The following NR5A1 variants were observed in gnomAD, a reference collection of about 807,000 sequenced individuals.
The protein encoded by NR5A1 is steroidogenic factor 1.
A neutral mutation model predicts 42.7 loss-of-function variants in NR5A1; 6 were observed. That is an observed-to-expected ratio of 0.14 (90% CI 0.08 to 0.28). The LOEUF (loss-of-function observed/expected upper bound fraction) is 0.28, where lower values mean the gene tolerates loss of function less well. NR5A1 is among the 10% of genes least tolerant of loss of function. NR5A1 has a pLI of 1.00. For synonymous variants in NR5A1, 274 were observed against 277.5 expected (o/e 0.99, Z 0.12); for missense variants, 442 against 626.4 (o/e 0.71, Z 3.14).
intron 4 of NR5A1, among the ~76,000 whole-genome samples, chr9:124,497,459 G>C (rs956350872): frequency 2.6e-5 from 4 of 152,328 alleles, no homozygotes; most frequent in East Asian, 1.9e-4. Flanking sequence ...AGCTGGGAAA[G>C]AAGATGGGGG....
In NR5A1 at chr9:124,492,982, C is replaced by G. The variant is rs1301226678; in HGVS notation, c.990+48G>C. The G allele has an allele frequency of 6.6e-6, 10 of 1,522,288 alleles. 1 individual carries two copies. The South Asian group carries it at 9.7e-5, about 15-fold the overall frequency. 94.3% of individuals were successfully genotyped at this position (1,522,288 alleles called of 1,614,324 possible). Reference sequence around the variant, plus strand: ...CGGGGCCCTGAATCCTGGAAGTGCACAGCGGGGCCAGGGCGGGGCCCAGGG... The same window carrying G: ...CGGGGCCCTGAATCCTGGAAGTGCAGAGCGGGGCCAGGGCGGGGCCCAGGG... On this transcript the variant is annotated intron_variant, in intron 5 of 6. Coordinates refer to ENST00000373588, the MANE Select transcript of NR5A1 (RefSeq NM_004959.5).
chr9:124,493,283 C>G, intron 4 of NR5A1, 134 bp from the exon 5 acceptor site: 1 of 1,207,752 alleles, frequency 8.3e-7, no homozygotes, highest in South Asian at 1.7e-5. Context: ...CCCATCTACC[C>G]AGATGTCTAG....
chr9:124,489,100 A>AC (rs1427177641), intron 6 of NR5A1, among the ~76,000 whole-genome samples: 7 of 152,100 alleles, frequency 4.6e-5, no homozygotes, highest in African/African-American at 1.7e-4. Context: ...TCCTGGATTC[A>AC]CCCCCGGCAG....
At chr9:124,491,032 C>CCCCCCCCCCCCAGGGGGGGG in intron 6 of NR5A1, 49 bp downstream of exon 6, 2 of 1,258,250 alleles carry the variant, frequency 1.6e-6, no homozygotes, top group Non-Finnish European at 2.2e-6. Flanking sequence ...CCCTCCCACC[C>CCCCCCCCCCCCAGGGGGGGG]ACCCGCCTCT....
At position 124,482,252 on chromosome 9, in the gene NR5A1, C is replaced by T. The variant is rs1237910552; in HGVS notation, c.*506G>A. ...TCTCAATTTAGCAAACTCGGTTATC[C>T]TTAGTTTACAAAACAGAGGCTCTCC... On this transcript the variant is annotated 3_prime_UTR_variant, in exon 7 of 7. Transcript: ENST00000373588. The T allele has an allele frequency of 4.7e-6, 1 of 211,034 alleles. No homozygotes were observed. Among genetic ancestry groups the T allele is most frequent in the African/African-American group, 2.3e-5 (1 of 43,270 alleles). 13.1% of individuals were successfully genotyped at this position (211,034 alleles called of 1,614,324 possible).
intron 4 of NR5A1, among the ~76,000 whole-genome samples, chr9:124,495,587 A>ACAC (rs1486184694): frequency 2.0e-5 from 3 of 152,150 alleles, no homozygotes; most frequent in Non-Finnish European, 4.4e-5. Context: ...CCCACCGTAG[A>ACAC]CACCCAGGTG....
intron 6 of NR5A1, among the ~76,000 whole-genome samples, chr9:124,485,936 C>T (rs1832200976): frequency 6.6e-6 from 1 of 151,858 alleles, no homozygotes; most frequent in Non-Finnish European, 1.5e-5. Context: ...GGGACCAGCT[C>T]AAGGCCACAC....
Position 124,501,751 on chromosome 9 carries a change from C to A in NR5A1, c.245-1036G>T, listed in dbSNP as rs2131288424. ...GGGGACAGGACAGGATGTCCCCTCT[C>A]CCATCCAGGAGTCCTTTCTCCAGGT... On this transcript the variant is annotated intron_variant, in intron 3 of 6. Transcript: ENST00000373588. This position sits in a 1 kb window ranked among gnomAD's most constrained non-coding sequence, Gnocchi z 4.1. 6.6e-6 allele frequency among the ~76,000 whole-genome samples: 1 copy of A among 152,348 alleles called. No homozygotes were observed. Among genetic ancestry groups the A allele is most frequent in the East Asian group, 1.9e-4 (1 of 5,178 alleles).
chr9:124,497,027 G>A (rs761106264), intron 4 of NR5A1, among the ~76,000 whole-genome samples: 4 of 152,182 alleles, frequency 2.6e-5, no homozygotes, highest in Non-Finnish European at 2.9e-5. Flanking sequence ...CAGAACAATC[G>A]TGTGCTCAGA....
chr9:124,491,431 C>T (rs897957842), intron 5 of NR5A1, among the ~76,000 whole-genome samples: 2 of 152,144 alleles, frequency 1.3e-5, no homozygotes, highest in Non-Finnish European at 2.9e-5. Context: ...CCCACCCTTC[C>T]GAGCTCTCCT....
At position 124,504,283 on chromosome 9, in the gene NR5A1, G is replaced by C. The variant is rs1428199741; in HGVS notation, c.-15-873C>G. ...GGCGGAAGCGCCCAGCCCGAGGGTC[G>C]GGGACAGGGGACGCGCGGAAACCTG... is the stretch of plus-strand genomic sequence containing the variant. On this transcript the variant is annotated intron_variant, in intron 1 of 6. Coordinates refer to ENST00000373588, the MANE Select transcript of NR5A1 (RefSeq NM_004959.5). Among the ~76,000 whole-genome samples the C allele has an allele frequency of 3.9e-5, 6 of 152,292 alleles. No homozygotes were observed. The South Asian group carries it at 1.2e-3, about 32-fold the overall frequency.
intron 4 of NR5A1, among the ~76,000 whole-genome samples, chr9:124,494,946 C>T (rs1272790840): frequency 6.6e-6 from 1 of 152,216 alleles, no homozygotes; most frequent in Non-Finnish European, 1.5e-5. Context: ...GAGATAGAAG[C>T]ACCCCGCTCT....
At position 124,482,700 on chromosome 9, in the gene NR5A1, C is replaced by A; in HGVS notation, c.*58G>T. 1 of 710,740 alleles carries A rather than the reference C, an allele frequency of 1.4e-6. No individual in the cohort carries two copies. The allele number at this position is 710,740 out of a possible 1,614,324, so 44.0% of individuals were successfully genotyped here. A position where few individuals can be genotyped will look rare whatever the true frequency, so the allele number is the denominator to read the frequency against. On this transcript the variant is annotated 3_prime_UTR_variant, in exon 7 of 7. Coordinates refer to ENST00000373588, the MANE Select transcript of NR5A1 (RefSeq NM_004959.5). ...CGGAGCCAGCGGTGTGGCTGCGGCC[C>A]CGCCCAGGCCCCGCCCCCAGTCCCG...
At position 124,483,121 on chromosome 9, in the gene NR5A1, G is replaced by A. The variant is rs949696536; in HGVS notation, c.1139-116C>T. The A allele has an allele frequency of 1.9e-6, 3 of 1,595,516 alleles. No homozygotes were observed. In the Admixed American group the frequency reaches 5.0e-5, roughly 27 times the overall value. On this transcript the variant is annotated intron_variant, in intron 6 of 6. Transcript: ENST00000373588. The stretch of plus-strand genomic sequence containing the variant: ...TTCCCTATGACCATCAAAGACATGG[G>A]CATTGCTGCCACCAACCATGCAACA...
At chr9:124,492,153 C>T (rs1270538325) in intron 5 of NR5A1, among the ~76,000 whole-genome samples, 2 of 152,110 alleles carry the variant, frequency 1.3e-5, no homozygotes, top group Non-Finnish European at 2.9e-5. Context: ...CAGCACCCAC[C>T]GACCCCACGG....
intron 5 of NR5A1, 134 bp downstream of exon 5, chr9:124,492,896 G>A: frequency 2.7e-6 from 3 of 1,119,472 alleles, no homozygotes; most frequent in Non-Finnish European, 3.7e-6. Context: ...CATGAACGTG[G>A]GGAAAGGGCT....
In NR5A1 at chr9:124,507,373, C is replaced by A. The variant is rs888177320; in HGVS notation, c.-140G>T. ...GGTGCGCAGAAACCCCCTCACACCA[C>A]GGCGGGCGGCAGCCGGACAGCAGGC... On this transcript the variant is annotated 5_prime_UTR_variant, in exon 1 of 7. Transcript: ENST00000373588. The A allele has an allele frequency of 6.6e-6, 1 of 152,324 alleles. No individual in the cohort carries two copies. Among genetic ancestry groups the A allele is most frequent in the Non-Finnish European group, 1.5e-5 (1 of 68,040 alleles). 9.4% of individuals were successfully genotyped at this position (152,324 alleles called of 1,614,324 possible). A position where few individuals can be genotyped will look rare whatever the true frequency, so the allele number is the denominator to read the frequency against.
At chr9:124,491,026 C>T in intron 6 of NR5A1, 55 bp downstream of exon 6, 1 of 868,894 alleles carries the variant, frequency 1.2e-6, no homozygotes, top group Non-Finnish European at 1.7e-6. Context: ...CACCCACCCT[C>T]CCACCCACCC....
chr9:124,491,849 A>C (rs1192943158), intron 5 of NR5A1, among the ~76,000 whole-genome samples: 1 of 151,354 alleles, frequency 6.6e-6, no homozygotes, highest in Non-Finnish European at 1.5e-5. Flanking sequence ...ACACCCACAC[A>C]CTGATGTGTG....
Sources: gnomAD v4.1 joint callset for allele counts (sites outside exome capture counted in the v4.1 genomes callset) on GRCh38, gnomAD v4.1.1 for gene constraint, Gnocchi (gnomAD v3.1) non-coding constraint, MANE v1.5 for transcripts, NCBI Gene and HGNC (gene_info 2026-07-23, HGNC 2026-07-21) for gene names.